The following FMN1 variants were observed in gnomAD, a reference collection of about 807,000 sequenced individuals.
FMN1 encodes the protein formin-1.
In FMN1, 110 loss-of-function variants were observed where a neutral mutation model predicts 132.4. The ratio of observed to expected loss-of-function variants is 0.83; its 90% confidence interval spans 0.71 to 0.97. FMN1 has a LOEUF of 0.97. FMN1 is among the 50% of genes least tolerant of loss of function. FMN1 has a pLI of 0.00. For missense variants in FMN1, 1,792 were observed against 1,705.3 expected (o/e 1.05, Z -0.90); for synonymous variants, 722 against 651.7 (o/e 1.11, Z -1.64).
At chr15:32,781,642 T>C (rs1171628381) in intron 19 of FMN1, among the ~76,000 whole-genome samples, 1 of 152,204 alleles carries the variant, frequency 6.6e-6, no homozygotes, top group Non-Finnish European at 1.5e-5. Flanking sequence ...GGCAATACAA[T>C]CTCCCTGCTA....
intron 4 of FMN1, among the ~76,000 whole-genome samples, chr15:33,112,886 G>A (rs544012503): frequency 6.6e-6 from 1 of 152,284 alleles, no homozygotes; most frequent in South Asian, 2.1e-4. Flanking sequence ...TATATCGTCA[G>A]AAAGGTTAAG....
At chr15:32,884,294 CT>C (rs1305024919) in intron 16 of FMN1, among the ~76,000 whole-genome samples, 1 of 152,100 alleles carries the variant, frequency 6.6e-6, no homozygotes, top group Non-Finnish European at 1.5e-5. Context: ...GAATCTGTTC[CT>C]TGCCTTTTCC....
chr15:32,835,074 A>G (rs1469587872), intron 17 of FMN1, among the ~76,000 whole-genome samples: 3 of 152,234 alleles, frequency 2.0e-5, no homozygotes, highest in African/African-American at 7.2e-5. Context: ...AAGCAGAGCA[A>G]CATCAGAAAA....
intron 19 of FMN1, among the ~76,000 whole-genome samples, chr15:32,788,162 C>T (rs2056942825): frequency 1.3e-5 from 2 of 152,154 alleles, no homozygotes; most frequent in Admixed American, 1.3e-4. Context: ...TTGGGGAGCC[C>T]TGGACTTGCC....
intron 5 of FMN1, among the ~76,000 whole-genome samples, chr15:33,086,435 C>G (rs2038698723): frequency 1.3e-5 from 2 of 151,214 alleles, no homozygotes; most frequent in Non-Finnish European, 2.9e-5. Context: ...TTCACTGTAA[C>G]TATGTATTTC....
intron 18 of FMN1, among the ~76,000 whole-genome samples, chr15:32,800,383 G>A (rs1021455641): frequency 2.0e-5 from 3 of 152,162 alleles, no homozygotes; most frequent in Admixed American, 6.5e-5. Flanking sequence ...ACATAATGTT[G>A]AGAAAAACCG....
chr15:32,908,180 C>T (rs970030537), intron 12 of FMN1: 1 of 243,770 alleles, frequency 4.1e-6, no homozygotes, highest in Non-Finnish European at 8.0e-6. Context: ...ACAATGCCTT[C>T]TTCCTTCCTC....
At chr15:33,022,947 G>A (rs1213272104) in intron 6 of FMN1, among the ~76,000 whole-genome samples, 1 of 151,500 alleles carries the variant, frequency 6.6e-6, no homozygotes, top group Non-Finnish European at 1.5e-5. Context: ...TTGGGTGGCA[G>A]AGGGTGGGAG....
rs548824517 is a variant in FMN1, at chr15:33,028,437, A to C, written c.2162-20362T>G. Among the ~76,000 whole-genome samples the C allele has an allele frequency of 6.6e-5, 10 of 152,308 alleles. No individual in the cohort carries two copies. In the South Asian group the frequency reaches 1.9e-3, roughly 28 times the overall value. On this transcript the variant is annotated intron_variant, in intron 6 of 20. Coordinates refer to ENST00000616417, the MANE Select transcript of FMN1 (RefSeq NM_001277313.2). ...AAGGAACTGGGTTCTTCCTTACCCT[A>C]CACAAGTTGCCCTGAAATTCTAGCA...
chr15:32,833,291 G>T (rs1256823423), intron 17 of FMN1, among the ~76,000 whole-genome samples: 1 of 152,168 alleles, frequency 6.6e-6, no homozygotes, highest in East Asian at 1.9e-4. Flanking sequence ...TTCAATTAGT[G>T]TAACTGATAG....
In FMN1 at chr15:33,008,588, A is replaced by G. The variant is rs949211621; in HGVS notation, c.2162-513T>C. On this transcript the variant is annotated intron_variant, in intron 6 of 20. Transcript: ENST00000616417. ...ATCTTTATCTCAGAAAGTCAATACT[A>G]TTTGTCATTTGGATGAGAGATTCTA... is the stretch of plus-strand genomic sequence containing the variant. Among the ~76,000 whole-genome samples, 4 of 152,190 alleles carry G rather than the reference A, an allele frequency of 2.6e-5. No individual in the cohort carries two copies. In the South Asian group the frequency reaches 6.2e-4, roughly 24 times the overall value.
chr15:32,985,922 A>G (rs1411335018), intron 7 of FMN1, among the ~76,000 whole-genome samples: 1 of 152,242 alleles, frequency 6.6e-6, no homozygotes, highest in East Asian at 1.9e-4. Context: ...ATATATTCCC[A>G]CTTCAATAAC....
At chr15:32,917,573 G>A (rs1340418861) in intron 10 of FMN1, among the ~76,000 whole-genome samples, 1 of 152,168 alleles carries the variant, frequency 6.6e-6, no homozygotes, top group Non-Finnish European at 1.5e-5. Flanking sequence ...ATCATATGAG[G>A]CGGGTGCGTT....
chr15:33,109,784 A>ACACG (rs2039627428), intron 4 of FMN1, among the ~76,000 whole-genome samples: 1 of 151,670 alleles, frequency 6.6e-6, no homozygotes, highest in African/African-American at 2.4e-5. Context: ...ACCCCCCATG[A>ACACG]CACGTTTACC....
rs1360615043 is a variant in FMN1 at position 32,772,099 on chromosome 15, G to A, written c.*2211C>T. On this transcript the variant is annotated 3_prime_UTR_variant, in exon 21 of 21. Transcript: ENST00000616417. ...GTAGAAATAGGTATTTTACTGCAAAGTTTTAGTCTGTTCACTAGGATGAAA... is the reference window on the plus strand; with the variant it reads ...GTAGAAATAGGTATTTTACTGCAAAATTTTAGTCTGTTCACTAGGATGAAA... The A allele has an allele frequency of 5.9e-5, 9 of 152,242 alleles. No individual in the cohort carries two copies. Among genetic ancestry groups the A allele is most frequent in the Non-Finnish European group, 2.9e-5 (2 of 68,042 alleles). The allele number at this position is 152,242 out of a possible 1,614,324, so 9.4% of individuals were successfully genotyped here. A position where few individuals can be genotyped will look rare whatever the true frequency, so the allele number is the denominator to read the frequency against.
chr15:32,954,562 G>C (rs913565296), intron 9 of FMN1, among the ~76,000 whole-genome samples: 1 of 152,064 alleles, frequency 6.6e-6, no homozygotes, highest in Non-Finnish European at 1.5e-5. Context: ...GTTAGGGTCA[G>C]AGTCAGAATT....
chr15:32,960,805 G>C (rs2030425945), intron 9 of FMN1, among the ~76,000 whole-genome samples: 1 of 151,810 alleles, frequency 6.6e-6, no homozygotes, highest in African/African-American at 2.4e-5. Flanking sequence ...AGACCAACCT[G>C]GCCAACTTGG....
At chr15:33,033,249 C>G (rs2036028578) in intron 6 of FMN1, among the ~76,000 whole-genome samples, 1 of 152,138 alleles carries the variant, frequency 6.6e-6, no homozygotes, top group Non-Finnish European at 1.5e-5. Flanking sequence ...CCAGGATAGT[C>G]TTGATCTCCT....
At chr15:33,157,647 T>A (rs1041615629) in intron 3 of FMN1, among the ~76,000 whole-genome samples, 15 of 152,162 alleles carry the variant, frequency 9.9e-5, no homozygotes, top group African/African-American at 3.6e-4. Context: ...TGTTTTTTTG[T>A]TAACTTGGTG....
Sources: gnomAD v4.1 joint callset for allele counts (sites outside exome capture counted in the v4.1 genomes callset) on GRCh38, gnomAD v4.1.1 for gene constraint, MANE v1.5 for transcripts, NCBI Gene and HGNC (gene_info 2026-07-23, HGNC 2026-07-21) for gene names.